ELP4: variants seen among roughly 807,000 people sequenced by gnomAD.
ELP4 encodes elongator complex protein 4.
A neutral mutation model predicts 48.9 loss-of-function variants in ELP4; 51 were observed. That is an observed-to-expected ratio of 1.04 (90% CI 0.83 to 1.32). The LOEUF (loss-of-function observed/expected upper bound fraction) is 1.32. ELP4 is among the 40% of genes most tolerant of loss of function. ELP4 has a pLI of 0.00. For missense variants in ELP4, 519 were observed against 514.6 expected (o/e 1.01, Z -0.08); for synonymous variants, 210 against 189.2 (o/e 1.11, Z -0.90).
At position 31,539,652 on chromosome 11, in the gene ELP4, C is replaced by T. The variant is rs764840971; in HGVS notation, c.260-10C>T. ...TATATGTTTCTAACTGCAACTTTTC[C>T]TTTTTACAGAGGAGGATAAATATAA... On this transcript the variant is annotated splice_polypyrimidine_tract_variant and intron_variant, in intron 2 of 9. Transcript: ENST00000640961. 5 of 1,589,222 alleles carry T rather than the reference C, an allele frequency of 3.1e-6. No homozygotes were observed. The highest frequency in any genetic ancestry group is 8.5e-7 in the Non-Finnish European group (1 of 1,169,626).
chr11:31,765,246 T>A (rs1476196027), intron 9 of ELP4, among the ~76,000 whole-genome samples: 1 of 152,108 alleles, frequency 6.6e-6, no homozygotes, highest in East Asian at 1.9e-4. Context: ...AAAAGTTTTT[T>A]AACAAAAAAA....
At chr11:31,525,388 A>G (rs1429937800) in intron 2 of ELP4, among the ~76,000 whole-genome samples, 1 of 152,228 alleles carries the variant, frequency 6.6e-6, no homozygotes, top group Non-Finnish European at 1.5e-5. Flanking sequence ...TAGGCAAGAT[A>G]AATCTCTGGA....
intron 7 of ELP4, chr11:31,646,292 A>G (rs1162511123): frequency 6.6e-6 from 1 of 151,966 alleles, no homozygotes; most frequent in East Asian, 1.9e-4. Flanking sequence ...ATTCTTTTTA[A>G]CAACACTGAT....
At chr11:31,760,214 T>C (rs1042368064) in intron 9 of ELP4, among the ~76,000 whole-genome samples, 6 of 152,226 alleles carry the variant, frequency 3.9e-5, no homozygotes, top group African/African-American at 1.4e-4. Context: ...CTTAGCTACA[T>C]GGACACTAGA....
chr11:31,629,998 C>G (rs1258139347), intron 6 of ELP4, among the ~76,000 whole-genome samples: 1 of 151,956 alleles, frequency 6.6e-6, no homozygotes, highest in Non-Finnish European at 1.5e-5. Flanking sequence ...TACTTCTAAC[C>G]TAAGCCCTGG....
chr11:31,569,831 C>G (rs1957166867), intron 3 of ELP4, among the ~76,000 whole-genome samples: 1 of 152,150 alleles, frequency 6.6e-6, no homozygotes, highest in Non-Finnish European at 1.5e-5. Context: ...TCATCTCACA[C>G]CAGTCAGAAT....
At chr11:31,587,865 C>T (rs1957504708) in intron 3 of ELP4, among the ~76,000 whole-genome samples, 1 of 151,994 alleles carries the variant, frequency 6.6e-6, no homozygotes, top group Non-Finnish European at 1.5e-5. Context: ...ATTAACACCA[C>T]CACTGATAAT....
intron 9 of ELP4, chr11:31,714,828 C>T (rs955639700): frequency 5.0e-6 from 2 of 398,312 alleles, no homozygotes; most frequent in Non-Finnish European, 8.8e-6. Flanking sequence ...CTGCCTCTCT[C>T]CTTCACTTTT....
intron 5 of ELP4, 37 bp from the exon 6 acceptor site, chr11:31,627,073 C>G: frequency 8.6e-7 from 1 of 1,160,300 alleles, no homozygotes. Context: ...TATGTAATAA[C>G]CCATTTATGT....
At chr11:31,678,115 G>T (rs1273462757) in intron 9 of ELP4, among the ~76,000 whole-genome samples, 4 of 151,938 alleles carry the variant, frequency 2.6e-5, no homozygotes, top group African/African-American at 9.7e-5. Flanking sequence ...TAATTACGTA[G>T]ATTGTAGCTT....
intron 9 of ELP4, among the ~76,000 whole-genome samples, chr11:31,716,497 C>A (rs1439219968): frequency 6.6e-6 from 1 of 152,084 alleles, no homozygotes; most frequent in Non-Finnish European, 1.5e-5. Flanking sequence ...GATTAATATG[C>A]AAAGTGCTTA....
chr11:31,572,035 G>A (rs1053095387), intron 3 of ELP4, among the ~76,000 whole-genome samples: 9 of 152,170 alleles, frequency 5.9e-5, no homozygotes, highest in South Asian at 2.1e-4. Context: ...TCAGCCTGTC[G>A]TTTGAAGCTT....
At chr11:31,744,950 G>A (rs1159326088) in intron 9 of ELP4, among the ~76,000 whole-genome samples, 1 of 152,178 alleles carries the variant, frequency 6.6e-6, no homozygotes, top group East Asian at 1.9e-4. Context: ...AAGTCAAATT[G>A]TCCCTGTTTG....
intron 9 of ELP4, among the ~76,000 whole-genome samples, chr11:31,733,655 T>C (rs570529908): frequency 2.2e-4 from 33 of 152,226 alleles, no homozygotes; most frequent in African/African-American, 7.2e-4. Context: ...AGACTATGAA[T>C]GGTAAATAAT....
At chr11:31,601,238 G>A (rs920168399) in intron 4 of ELP4, among the ~76,000 whole-genome samples, 1 of 151,966 alleles carries the variant, frequency 6.6e-6, no homozygotes, top group African/African-American at 2.4e-5. Context: ...AAAGATTTCA[G>A]TGTTTCAAAA....
intron 9 of ELP4, among the ~76,000 whole-genome samples, chr11:31,755,555 C>T (rs978337902): frequency 6.6e-6 from 1 of 151,980 alleles, no homozygotes; most frequent in Non-Finnish European, 1.5e-5. Flanking sequence ...TAATTTCTAT[C>T]ATGAAAAAAC....
intron 9 of ELP4, among the ~76,000 whole-genome samples, chr11:31,686,152 A>G (rs891654978): frequency 6.6e-5 from 10 of 152,002 alleles, no homozygotes; most frequent in South Asian, 2.1e-4. Context: ...TACATTTTAT[A>G]TATTAGTAAT....
rs768602850 is a variant in ELP4, at chr11:31,647,835, A to G, written c.1022A>G (p.Tyr341Cys). Residue 341 changes from tyrosine (Y) to cysteine (C), a missense_variant, in exon 8 of 10, where the codon TAT (tyrosine) becomes TGT (cysteine). Transcript: ENST00000640961. The part of the protein sequence containing the change: ...IGSERETNPL[Y>C]KDYHGLIHIR... Reference sequence around the variant, plus strand: ...TCTGAGAGAGAAACTAACCCATTGTATAAGGATTATCATGGTAAGTACAAC... The same window carrying G: ...TCTGAGAGAGAAACTAACCCATTGTGTAAGGATTATCATGGTAAGTACAAC... 13 of 1,591,764 alleles carry G rather than the reference A, an allele frequency of 8.2e-6. No homozygotes were observed. The East Asian group carries it at 1.6e-4, about 19-fold the overall frequency.
chr11:31,533,368 C>CT lies in ELP4; in HGVS notation c.260-6267dup, dbSNP rs71060492. On this transcript the variant is annotated intron_variant, in intron 2 of 9. Transcript: ENST00000640961. Reference sequence around the variant, plus strand: ...GTGTTGCTGCAAAAGCCATCTCATTCTTTTTTTTTTTTTTTTTTTTTTTTT... The same window carrying CT: ...GTGTTGCTGCAAAAGCCATCTCATTCTTTTTTTTTTTTTTTTTTTTTTTTTT... 1.5e-3 allele frequency among the ~76,000 whole-genome samples: 77 copies of CT among 50,474 alleles called. 10 individuals are homozygous for CT. The highest frequency in any genetic ancestry group is 2.9e-3 in the African/African-American group (35 of 11,900). 33.1% of individuals were successfully genotyped at this position (50,474 alleles called of 152,430 possible).
Sources: gnomAD v4.1 joint callset for allele counts (sites outside exome capture counted in the v4.1 genomes callset) on GRCh38, gnomAD v4.1.1 for gene constraint, MANE v1.5 for transcripts, NCBI Gene and HGNC (gene_info 2026-07-23, HGNC 2026-07-21) for gene names.